ZBTB34: variants seen among roughly 807,000 people sequenced by gnomAD.
ZBTB34 encodes zinc finger and BTB domain-containing protein 34.
A neutral mutation model predicts 33.4 loss-of-function variants in ZBTB34; 1 was observed. That is an observed-to-expected ratio of 0.03 (90% CI 0.01 to 0.14). The LOEUF (loss-of-function observed/expected upper bound fraction) is 0.14, where lower values mean the gene tolerates loss of function less well. Ranked by LOEUF, ZBTB34 falls within the 10% of genes least tolerant of loss-of-function variation. The probability of loss-of-function intolerance (pLI) is 1.00; values close to 1 mark genes in which losing one functional copy is unlikely to be tolerated. For synonymous variants in ZBTB34, 283 were observed against 253.5 expected (o/e 1.12, Z -1.11); for missense variants, 406 against 657.2 (o/e 0.62, Z 4.18).
chr9:126,883,153 ATGTT>A (rs1483495823), exon 2 of ZBTB34: 4 of 166,152 alleles, frequency 2.4e-5, no homozygotes, highest in African/African-American at 9.7e-5. Context: ...TTTCAGGTAA[ATGTT>A]TGTGGGTTTT....
rs553499025 is a variant in ZBTB34, at chr9:126,879,953, G to T, written c.554G>T (p.Arg185Leu). Residue 185 changes from arginine (R) to leucine (L), a missense_variant, in exon 2 of 2, where the codon CGG becomes CTG. Arg to Leu is a moderately radical substitution (Grantham distance 102). This residue lies in a region of ZBTB34 where 137 missense variants were observed against 173.0 expected (regional missense o/e 0.79). Coordinates refer to ENST00000319119, the Ensembl canonical transcript of ZBTB34. The surrounding 1 kb of genome is among the most constrained non-coding windows in gnomAD (Gnocchi z 6.4). Reference sequence around the variant, plus strand: ...CAGCCCACCGCAAGCAGTGACCTCCGGATGGAGACGACCCCCAGCAAAGCT... The same window carrying T: ...CAGCCCACCGCAAGCAGTGACCTCCTGATGGAGACGACCCCCAGCAAAGCT... 6.2e-7 allele frequency: 1 copy of T among 1,613,238 alleles called. No individual in the cohort carries two copies. Among genetic ancestry groups the T allele is most frequent in the Non-Finnish European group, 8.5e-7 (1 of 1,179,888 alleles).
chr9:126,868,915 A>G (rs577795003), intron 1 of ZBTB34, among the ~76,000 whole-genome samples: 2 of 152,214 alleles, frequency 1.3e-5, no homozygotes, highest in African/African-American at 4.8e-5. Context: ...GGCTCTGAGG[A>G]GGAAAGGGGG....
chr9:126,863,638 C>G, intron 1 of ZBTB34: 1 of 960,410 alleles, frequency 1.0e-6, no homozygotes, highest in Non-Finnish European at 1.2e-6. Context: ...CAACTGAACG[C>G]AGTTAAATTT....
At chr9:126,865,870 A>G (rs1205786854) in intron 1 of ZBTB34, among the ~76,000 whole-genome samples, 2 of 152,196 alleles carry the variant, frequency 1.3e-5, no homozygotes, top group African/African-American at 4.8e-5. Context: ...CTGTAATCCC[A>G]GCTACTCAGG....
At chr9:126,860,736 A>G (rs1456533222) in exon 1 of ZBTB34, 3 of 140,358 alleles carry the variant, frequency 2.1e-5, no homozygotes, top group African/African-American at 7.8e-5. Flanking sequence ...GGCGCTCTGG[A>G]CAGGTGAGGC....
chr9:126,867,507 T>G (rs192498841), intron 1 of ZBTB34, among the ~76,000 whole-genome samples: 1 of 151,684 alleles, frequency 6.6e-6, no homozygotes, highest in African/African-American at 2.4e-5. Flanking sequence ...GGGGTTTTTT[T>G]TGTGTATGTC....
intron 1 of ZBTB34, among the ~76,000 whole-genome samples, chr9:126,878,733 T>G (rs1481459478): frequency 3.3e-5 from 5 of 151,506 alleles, no homozygotes; most frequent in Non-Finnish European, 7.4e-5. Context: ...TTTGTTTTTT[T>G]TTTTTTTTTA....
At chr9:126,870,651 G>T (rs1564221946) in intron 1 of ZBTB34, among the ~76,000 whole-genome samples, 1 of 152,336 alleles carries the variant, frequency 6.6e-6, no homozygotes, top group East Asian at 1.9e-4. Flanking sequence ...ATGCAGCCGG[G>T]CGCAGTGGCT....
At chr9:126,872,653 C>T (rs865973033) in intron 1 of ZBTB34, among the ~76,000 whole-genome samples, 2 of 151,914 alleles carry the variant, frequency 1.3e-5, no homozygotes, top group East Asian at 3.9e-4. Context: ...AACTTGTGAT[C>T]GATGATGAGT....
At chr9:126,863,558 A>T (rs542458252) in intron 1 of ZBTB34, 1 of 287,528 alleles carries the variant, frequency 3.5e-6, no homozygotes, top group African/African-American at 2.3e-5. Flanking sequence ...ATGTTTTTCA[A>T]ACTTCTTAAT....
chr9:126,871,067 A>G (rs2033270889), intron 1 of ZBTB34, among the ~76,000 whole-genome samples: 1 of 152,178 alleles, frequency 6.6e-6, no homozygotes, highest in Non-Finnish European at 1.5e-5. Flanking sequence ...AATTGCTGCT[A>G]CCTCTTAGAG....
chr9:126,882,101 A>G (rs2033450379), exon 2 of ZBTB34: 1 of 167,086 alleles, frequency 6.0e-6, no homozygotes, highest in Non-Finnish European at 1.5e-5. Flanking sequence ...TGCAAGCAAT[A>G]TATCTATCTT....
At chr9:126,862,593 A>C (rs1003355494) in intron 1 of ZBTB34, among the ~76,000 whole-genome samples, 1 of 152,140 alleles carries the variant, frequency 6.6e-6, no homozygotes, top group Non-Finnish European at 1.5e-5. Context: ...CTTCTGAAGC[A>C]CTGGCCTCCT....
At chr9:126,873,402 T>C (rs977098738) in intron 1 of ZBTB34, among the ~76,000 whole-genome samples, 2 of 152,010 alleles carry the variant, frequency 1.3e-5, no homozygotes, top group African/African-American at 2.4e-5. Flanking sequence ...TACCTGGGAC[T>C]ACAGGCGCCC....
rs758369649 is a variant in ZBTB34 at position 126,880,847 on chromosome 9, C to T, written c.1448C>T (p.Ala483Val). Residue 483 changes from alanine (A) to valine (V), a missense_variant, in exon 2 of 2, where the codon GCA (alanine) becomes GTA (valine). Ala to Val is a moderately conservative substitution (Grantham distance 64, BLOSUM62 0). Around this residue, in one of 6 missense-constraint regions of ZBTB34, gnomAD observed 58 missense variants for 58.7 expected, o/e 0.99. Coordinates refer to ENST00000319119, the Ensembl canonical transcript of ZBTB34. This position sits in a 1 kb window ranked among gnomAD's most constrained non-coding sequence, Gnocchi z 6.7. Reference sequence around the variant, plus strand: ...GTGGAACAGAAACTAGAAAATGACGCATCGGCCTCAGAGATGGGCCTAGAT... The same window carrying T: ...GTGGAACAGAAACTAGAAAATGACGTATCGGCCTCAGAGATGGGCCTAGAT... 5 of 1,613,532 alleles carry T rather than the reference C, an allele frequency of 3.1e-6. No individual in the cohort carries two copies. The South Asian group carries it at 5.5e-5, about 18-fold the overall frequency.
At chr9:126,868,796 A>G (rs568879704) in intron 1 of ZBTB34, among the ~76,000 whole-genome samples, 11 of 152,264 alleles carry the variant, frequency 7.2e-5, no homozygotes, top group African/African-American at 2.2e-4. Flanking sequence ...TTCAAACACC[A>G]AAAGGACCGG....
chr9:126,876,913 A>G (rs2033370818), intron 1 of ZBTB34, among the ~76,000 whole-genome samples: 1 of 152,232 alleles, frequency 6.6e-6, no homozygotes, highest in Non-Finnish European at 1.5e-5. Flanking sequence ...AAATTCGGAC[A>G]TGATCTAGGC....
At chr9:126,871,016 C>T (rs1204619705) in intron 1 of ZBTB34, among the ~76,000 whole-genome samples, 1 of 152,122 alleles carries the variant, frequency 6.6e-6, no homozygotes, top group Admixed American at 6.5e-5. Flanking sequence ...ATACCCATTG[C>T]TGGCCACTAT....
chr9:126,868,567 C>T (rs1205851445), intron 1 of ZBTB34, among the ~76,000 whole-genome samples: 1 of 152,234 alleles, frequency 6.6e-6, no homozygotes, highest in Non-Finnish European at 1.5e-5. Flanking sequence ...CCCAAAGCTG[C>T]TCGCCTTCAG....
Sources: gnomAD v4.1 joint callset for allele counts (sites outside exome capture counted in the v4.1 genomes callset) on GRCh38, gnomAD v4.1.1 for gene constraint, gnomAD v4.1.1 regional missense constraint, Gnocchi (gnomAD v3.1) non-coding constraint, MANE v1.5 for transcripts, NCBI Gene and HGNC (gene_info 2026-07-23, HGNC 2026-07-21) for gene names.